USP37: variants seen among roughly 807,000 people sequenced by gnomAD.
The protein encoded by USP37 is ubiquitin specific peptidase 37.
A neutral mutation model predicts 124.0 loss-of-function variants in USP37; 27 were observed. The observed-to-expected ratio is 0.22, with a 90% CI of 0.16 to 0.30. The LOEUF (loss-of-function observed/expected upper bound fraction) is 0.30. USP37 is among the 10% of genes least tolerant of loss of function. The pLI, the probability that USP37 is intolerant of heterozygous loss-of-function variation, is 1.00. For missense variants in USP37, 889 were observed against 1,140.4 expected (o/e 0.78, Z 3.17); for synonymous variants, 365 against 388.0 (o/e 0.94, Z 0.70).
rs1574886007 is a variant in USP37 at position 218,497,723 on chromosome 2, T to C, written c.1281+11A>G. ...AGGCCTCTGAAACGTTTTAAAACAA[T>C]TAATACTCACATTCTGCATATAACC... On this transcript the variant is annotated intron_variant, in intron 13 of 25. Coordinates refer to ENST00000258399, the MANE Select transcript of USP37 (RefSeq NM_020935.3). 8 of 1,613,660 alleles carry C rather than the reference T, an allele frequency of 5.0e-6. No homozygotes were observed. The highest frequency in any genetic ancestry group is 6.8e-6 in the Non-Finnish European group (8 of 1,179,826).
At chr2:218,487,247 G>A (rs912597426) in intron 15 of USP37, among the ~76,000 whole-genome samples, 1 of 152,132 alleles carries the variant, frequency 6.6e-6, no homozygotes, top group African/African-American at 2.4e-5. Context: ...GGATAAACAT[G>A]ATTCTTTCTT....
intron 10 of USP37, among the ~76,000 whole-genome samples, chr2:218,525,327 C>CA (rs1017036210): frequency 1.4e-4 from 21 of 151,694 alleles, no homozygotes; most frequent in Non-Finnish European, 5.9e-5. Flanking sequence ...CGAAAAATAC[C>CA]AAAAAAATAG....
chr2:218,505,897 C>T (rs189011460), intron 11 of USP37, among the ~76,000 whole-genome samples: 1 of 151,594 alleles, frequency 6.6e-6, no homozygotes, highest in Non-Finnish European at 1.5e-5. Flanking sequence ...AAGTCTTGCT[C>T]TCTGTCACCC....
chr2:218,553,750 C>A, intron 4 of USP37, 26 bp from the exon 5 acceptor site: 1 of 1,582,250 alleles, frequency 6.3e-7, no homozygotes, highest in South Asian at 1.2e-5. Flanking sequence ...GGAAAATTAT[C>A]ATCAAAAATG....
At chr2:218,532,223 T>C (rs1691367282) in intron 9 of USP37, among the ~76,000 whole-genome samples, 1 of 152,086 alleles carries the variant, frequency 6.6e-6, no homozygotes, top group South Asian at 2.1e-4. Context: ...ATACCAGCAC[T>C]TTGAGATACT....
chr2:218,516,573 G>A (rs1324591105), intron 10 of USP37, among the ~76,000 whole-genome samples: 1 of 152,080 alleles, frequency 6.6e-6, no homozygotes, highest in Non-Finnish European at 1.5e-5. Context: ...AGAGCATTAG[G>A]ACAAATACCT....
intron 10 of USP37, among the ~76,000 whole-genome samples, chr2:218,521,837 T>C (rs1690664373): frequency 6.6e-6 from 1 of 152,158 alleles, no homozygotes; most frequent in South Asian, 2.1e-4. Flanking sequence ...TAAAGATTAA[T>C]TCTAATGCAT....
At chr2:218,529,526 G>C (rs1447178478) in intron 10 of USP37, among the ~76,000 whole-genome samples, 1 of 151,896 alleles carries the variant, frequency 6.6e-6, no homozygotes, top group Non-Finnish European at 1.5e-5. Context: ...CAGGAGCAGT[G>C]GTTCAACACT....
intron 8 of USP37, among the ~76,000 whole-genome samples, chr2:218,544,420 T>TAGAGAGAGAGAGAGAG (rs1202551075): frequency 1.9e-5 from 1 of 53,344 alleles, no homozygotes; most frequent in Admixed American, 2.3e-4. Flanking sequence ...TATATATATA[T>TAGAGAGAGAGAGAGAG]ATATATATAT....
intron 23 of USP37, 57 bp downstream of exon 23, chr2:218,459,733 G>C: frequency 1.4e-6 from 2 of 1,470,650 alleles, no homozygotes; most frequent in South Asian, 1.2e-5. Flanking sequence ...TTGAAGTAAA[G>C]AGTGGGAAGA....
chr2:218,510,057 A>C lies in USP37; in HGVS notation c.947T>G (p.Leu316Arg). ...GCCAGTGTAATCCTGGTTACACCTC[A>C]GTTTTTTAACAGAAAGAGGAACTGG... ...PQPVPLSVKK[L>R]RCNQDYTGWN... Residue 316 changes from leucine to arginine, a missense_variant, in exon 11 of 26, where the codon CTG becomes CGG. This residue lies in a region of USP37 where 374 missense variants were observed against 386.0 expected (regional missense o/e 0.97). Transcript: ENST00000258399. The C allele has an allele frequency of 6.2e-7, 1 of 1,613,328 alleles. No individual in the cohort carries two copies. The highest frequency in any genetic ancestry group is 8.5e-7 in the Non-Finnish European group (1 of 1,179,832).
intron 1 of USP37, among the ~76,000 whole-genome samples, chr2:218,566,730 C>T (rs900487424): frequency 1.3e-5 from 2 of 152,092 alleles, no homozygotes; most frequent in East Asian, 3.8e-4. Flanking sequence ...GAAGCCAAGG[C>T]AATCAAGTCC....
chr2:218,530,276 G>C (rs532479770), intron 9 of USP37, among the ~76,000 whole-genome samples: 4 of 152,228 alleles, frequency 2.6e-5, no homozygotes, highest in African/African-American at 9.6e-5. Flanking sequence ...CACCAAGCAA[G>C]TCTATCAGTG....
intron 19 of USP37, among the ~76,000 whole-genome samples, chr2:218,476,314 C>T (rs1194775963): frequency 6.6e-6 from 1 of 152,180 alleles, no homozygotes; most frequent in African/African-American, 2.4e-5. Context: ...TGGCTCATGC[C>T]TGTAATCCCA....
At chr2:218,526,417 T>C (rs144059774) in intron 10 of USP37, among the ~76,000 whole-genome samples, 2 of 152,070 alleles carry the variant, frequency 1.3e-5, no homozygotes, top group Non-Finnish European at 2.9e-5. Context: ...GTATTTTTAG[T>C]AGAGATGGGG....
intron 20 of USP37, among the ~76,000 whole-genome samples, chr2:218,467,234 C>T (rs1388342401): frequency 4.6e-5 from 7 of 151,094 alleles, no homozygotes; most frequent in Admixed American, 1.3e-4. Flanking sequence ...CTGCAACCTC[C>T]ACCTCTTTCA....
chr2:218,558,442 G>A lies in USP37; in HGVS notation c.156+56C>T, dbSNP rs189065277. 3.3e-6 allele frequency: 5 copies of A among 1,529,596 alleles called. No homozygotes were observed. In the Admixed American group the frequency reaches 7.3e-5, roughly 22 times the overall value. The allele number at this position is 1,529,596 out of a possible 1,614,324, so 94.8% of individuals were successfully genotyped here. ...GTGATGTTTACTATGGCACAGAATA[G>A]CTATTTACTAAATGATCTGCTTCAA... On this transcript the variant is annotated intron_variant, in intron 4 of 25. Coordinates refer to ENST00000258399, the MANE Select transcript of USP37 (RefSeq NM_020935.3).
intron 9 of USP37, among the ~76,000 whole-genome samples, chr2:218,533,465 T>C (rs564416031): frequency 6.6e-6 from 1 of 152,314 alleles, no homozygotes; most frequent in African/African-American, 2.4e-5. Flanking sequence ...AATCTTGTCA[T>C]TTGGCCATGC....
At chr2:218,511,707 A>C (rs1277311525) in intron 10 of USP37, among the ~76,000 whole-genome samples, 1 of 152,096 alleles carries the variant, frequency 6.6e-6, no homozygotes, top group Non-Finnish European at 1.5e-5. Flanking sequence ...TCAGCCTCCC[A>C]AAGTGCTAGG....
Sources: allele counts gnomAD v4.1 joint callset (sites outside exome capture counted in the v4.1 genomes callset), GRCh38; gene constraint gnomAD v4.1.1; regional missense constraint gnomAD v4.1.1; transcripts MANE v1.5; gene names NCBI Gene and HGNC (gene_info 2026-07-23, HGNC 2026-07-21).